ATP13A5: variants seen among roughly 807,000 people sequenced by gnomAD.
The protein encoded by ATP13A5 is ATPase 13A5.
Under a neutral mutation model 150.2 loss-of-function variants are expected in ATP13A5, and 149 were observed. The ratio of observed to expected loss-of-function variants is 0.99; its 90% CI spans 0.87 to 1.14. The LOEUF is 1.14. Ranked by LOEUF, ATP13A5 falls within the 50% of genes most tolerant of loss-of-function variation. The probability of loss-of-function intolerance (pLI) is 0.00; values close to 1 mark genes in which losing one functional copy is unlikely to be tolerated. For missense variants in ATP13A5, 1,383 were observed against 1,449.3 expected (o/e 0.95, Z 0.74); for synonymous variants, 497 against 522.2 (o/e 0.95, Z 0.66).
At chr3:193,287,308 A>G (rs1306718086) in intron 26 of ATP13A5, among the ~76,000 whole-genome samples, 1 of 152,182 alleles carries the variant, frequency 6.6e-6, no homozygotes, top group Non-Finnish European at 1.5e-5. Flanking sequence ...TTCTATTGGA[A>G]GAAGATGTCT....
At chr3:193,303,950 C>CG (rs1053211366) in intron 23 of ATP13A5, among the ~76,000 whole-genome samples, 1 of 151,652 alleles carries the variant, frequency 6.6e-6, no homozygotes, top group Non-Finnish European at 1.5e-5. Flanking sequence ...GTAAATTCTC[C>CG]GGGGGCAAGA....
At chr3:193,335,848 T>C (rs1711837403) in intron 9 of ATP13A5, among the ~76,000 whole-genome samples, 1 of 152,172 alleles carries the variant, frequency 6.6e-6, no homozygotes, top group South Asian at 2.1e-4. Flanking sequence ...TTTCCTTTTA[T>C]TGGCCCCCAT....
intron 16 of ATP13A5, among the ~76,000 whole-genome samples, chr3:193,321,405 C>T (rs770320739): frequency 3.9e-5 from 6 of 152,020 alleles, no homozygotes; most frequent in South Asian, 2.1e-4. Context: ...CTGAGGCAGG[C>T]GGATCACTTG....
chr3:193,374,659 A>G (rs1362794314), intron 1 of ATP13A5, among the ~76,000 whole-genome samples: 1 of 151,958 alleles, frequency 6.6e-6, no homozygotes, highest in African/African-American at 2.4e-5. Context: ...ACACACACAC[A>G]CACACACACA....
At chr3:193,356,825 C>G (rs1478557471) in intron 5 of ATP13A5, among the ~76,000 whole-genome samples, 1 of 113,602 alleles carries the variant, frequency 8.8e-6, no homozygotes, top group African/African-American at 3.6e-5. Context: ...TTTTCTTTTT[C>G]TTTTTTGAGA....
intron 1 of ATP13A5, among the ~76,000 whole-genome samples, chr3:193,369,971 A>T (rs985486379): frequency 6.6e-6 from 1 of 152,206 alleles, no homozygotes; most frequent in Non-Finnish European, 1.5e-5. Context: ...TAGTTGCAAT[A>T]TACTGGATCA....
At chr3:193,337,726 G>A (rs1366780736) in intron 9 of ATP13A5, among the ~76,000 whole-genome samples, 1 of 152,068 alleles carries the variant, frequency 6.6e-6, no homozygotes, top group Non-Finnish European at 1.5e-5. Flanking sequence ...TCTTTTTTTG[G>A]TTGCATATGA....
At chr3:193,314,303 C>T in intron 18 of ATP13A5, 110 bp from the exon 19 acceptor site, 2 of 1,213,384 alleles carry the variant, frequency 1.6e-6, no homozygotes, top group South Asian at 1.5e-5. Flanking sequence ...GCATTTACCG[C>T]TTTCTGCCTT....
In ATP13A5 at chr3:193,340,567, A is replaced by C. The variant is rs1256597749; in HGVS notation, c.943+3360T>G. ...ACTCAGGTCACTGCACTCTCGCCCCACACACATCTCAAATACATCAGCAGC... is the reference window on the plus strand; with the variant it reads ...ACTCAGGTCACTGCACTCTCGCCCCCCACACATCTCAAATACATCAGCAGC... On this transcript the variant is annotated intron_variant, in intron 9 of 29. Coordinates refer to ENST00000342358, the MANE Select transcript of ATP13A5 (RefSeq NM_198505.4). 7.2e-5 allele frequency among the ~76,000 whole-genome samples: 11 copies of C among 152,182 alleles called. 2 individuals carry two copies. The highest frequency in any genetic ancestry group is 5.9e-4 in the Admixed American group (9 of 15,270).
chr3:193,275,360 C>A, intron 29 of ATP13A5, 58 bp from the exon 30 acceptor site: 1 of 1,577,190 alleles, frequency 6.3e-7, no homozygotes. Context: ...TGCAGCCAGG[C>A]CGCTGGCCAC....
chr3:193,301,843 G>A (rs1212195997), intron 23 of ATP13A5, among the ~76,000 whole-genome samples: 1 of 152,148 alleles, frequency 6.6e-6, no homozygotes, highest in Non-Finnish European at 1.5e-5. Flanking sequence ...GGTAAGGAAG[G>A]CTTTGATATT....
chr3:193,350,829 G>A (rs1712535855), intron 7 of ATP13A5, among the ~76,000 whole-genome samples: 1 of 152,116 alleles, frequency 6.6e-6, no homozygotes, highest in South Asian at 2.1e-4. Context: ...TAGAGCCTCA[G>A]AGTGCTTCTA....
chr3:193,326,384 C>T (rs1461640005), intron 13 of ATP13A5, among the ~76,000 whole-genome samples: 4 of 152,184 alleles, frequency 2.6e-5, no homozygotes, highest in African/African-American at 9.6e-5. Flanking sequence ...CAGCTTTTAG[C>T]CCACAGCTGT....
chr3:193,350,276 A>G (rs1441205444), intron 7 of ATP13A5, among the ~76,000 whole-genome samples: 2 of 152,146 alleles, frequency 1.3e-5, no homozygotes, highest in African/African-American at 4.8e-5. Flanking sequence ...ATAAATAAAT[A>G]CATATATCTG....
chr3:193,320,645 G>A (rs7428445), intron 16 of ATP13A5, among the ~76,000 whole-genome samples: 24,293 of 80,966 alleles, frequency 0.3, 2,299 homozygotes, highest in East Asian at 0.48. Context: ...GCTAAAAAAA[G>A]ACTCCCAATA....
intron 12 of ATP13A5, 59 bp downstream of exon 12, chr3:193,331,064 T>A (rs995560548): frequency 6.5e-6 from 10 of 1,535,804 alleles, no homozygotes; most frequent in Middle Eastern, 1.7e-4. Flanking sequence ...CTGAGGTTCT[T>A]CCCAGCTCCA....
At chr3:193,336,061 C>T (rs945034345) in intron 9 of ATP13A5, among the ~76,000 whole-genome samples, 7 of 152,038 alleles carry the variant, frequency 4.6e-5, no homozygotes, top group Admixed American at 6.6e-5. Context: ...GTTCAATTAG[C>T]AAGATAACTT....
Position 193,305,137 on chromosome 3 carries a change from A to G in ATP13A5, c.2678+422T>C, listed in dbSNP as rs139699984. 4.1e-3 allele frequency among the ~76,000 whole-genome samples: 619 copies of G among 152,298 alleles called. 3 individuals carry two copies. The highest frequency in any genetic ancestry group is 0.015 in the African/African-American group (603 of 41,576). ...ACTTTTTATGTAAAAGATATTGGAT[A>G]TTTACTAATTTGCATTTTGGAGACA... On this transcript the variant is annotated intron_variant, in intron 23 of 29. Transcript: ENST00000342358.
chr3:193,360,067 G>C (rs986585969), intron 5 of ATP13A5, among the ~76,000 whole-genome samples: 3 of 152,176 alleles, frequency 2.0e-5, no homozygotes, highest in Admixed American at 6.5e-5. Flanking sequence ...TCACTTTTGT[G>C]ATATAAAAGA....
Sources: gnomAD v4.1 joint callset for allele counts (sites outside exome capture counted in the v4.1 genomes callset) on GRCh38, gnomAD v4.1.1 for gene constraint, MANE v1.5 for transcripts, NCBI Gene and HGNC (gene_info 2026-07-23, HGNC 2026-07-21) for gene names.